CNTN5: variants seen among roughly 807,000 people sequenced by gnomAD.
The protein encoded by CNTN5 is contactin-5.
Under a neutral mutation model 129.1 loss-of-function variants are expected in CNTN5, and 77 were observed. The observed-to-expected ratio is 0.60, with a 90% CI of 0.50 to 0.72. The LOEUF is 0.72. Ranked by LOEUF, CNTN5 falls within the 30% of genes least tolerant of loss-of-function variation. The pLI is 0.00. For missense variants in CNTN5, 1,478 were observed against 1,328.8 expected (o/e 1.11, Z -1.75); for synonymous variants, 509 against 465.6 (o/e 1.09, Z -1.20).
intron 18 of CNTN5, among the ~76,000 whole-genome samples, chr11:100,289,588 T>C (rs1181680615): frequency 6.6e-6 from 1 of 152,108 alleles, no homozygotes; most frequent in Admixed American, 6.5e-5. Flanking sequence ...CTCAATAAAT[T>C]AGGTGTTGAT....
intron 13 of CNTN5, among the ~76,000 whole-genome samples, chr11:100,115,447 T>C (rs764070877): frequency 6.6e-6 from 1 of 152,064 alleles, no homozygotes; most frequent in Non-Finnish European, 1.5e-5. Flanking sequence ...CAAAAAACAA[T>C]TCAAAACTTT....
intron 13 of CNTN5, among the ~76,000 whole-genome samples, chr11:100,094,336 T>C (rs1367454456): frequency 1.3e-5 from 2 of 152,124 alleles, no homozygotes. Context: ...CATATTCTAC[T>C]AGGCAACATA....
At chr11:100,192,671 C>T (rs1272117039) in intron 14 of CNTN5, among the ~76,000 whole-genome samples, 3 of 151,948 alleles carry the variant, frequency 2.0e-5, no homozygotes. Flanking sequence ...TAAAACACAT[C>T]ATCTTGTAAT....
At chr11:99,899,998 T>C (rs1949311311) in intron 6 of CNTN5, among the ~76,000 whole-genome samples, 1 of 151,954 alleles carries the variant, frequency 6.6e-6, no homozygotes, top group South Asian at 2.1e-4. Flanking sequence ...CCATTTCCTC[T>C]AGGTGTTCTA....
chr11:99,140,984 T>A (rs1281368123), intron 1 of CNTN5, among the ~76,000 whole-genome samples: 1 of 152,116 alleles, frequency 6.6e-6, no homozygotes, highest in Non-Finnish European at 1.5e-5. Flanking sequence ...CTGACAGTGT[T>A]GGCATCAGAA....
At chr11:99,573,654 G>A (rs113531210) in intron 3 of CNTN5, among the ~76,000 whole-genome samples, 3 of 152,008 alleles carry the variant, frequency 2.0e-5, no homozygotes, top group African/African-American at 7.2e-5. Flanking sequence ...CTATTGAGAC[G>A]GAGTCTCGCT....
intron 13 of CNTN5, among the ~76,000 whole-genome samples, chr11:100,120,489 A>C (rs1291489270): frequency 6.6e-6 from 1 of 151,982 alleles, no homozygotes; most frequent in Non-Finnish European, 1.5e-5. Flanking sequence ...AAATGAAAGG[A>C]TTTATGATTC....
chr11:99,943,814 C>T (rs1025426179), intron 7 of CNTN5, among the ~76,000 whole-genome samples: 5 of 151,938 alleles, frequency 3.3e-5, no homozygotes, highest in East Asian at 3.9e-4. Context: ...TGCTTGTTTT[C>T]GTCAGGTTTG....
intron 6 of CNTN5, among the ~76,000 whole-genome samples, chr11:99,863,902 A>G (rs1948283842): frequency 6.6e-6 from 1 of 152,154 alleles, no homozygotes; most frequent in South Asian, 2.1e-4. Flanking sequence ...TACAGTAATA[A>G]GTCAAGGGGG....
chr11:100,301,421 A>G (rs897019261), intron 20 of CNTN5, among the ~76,000 whole-genome samples: 3 of 151,618 alleles, frequency 2.0e-5, no homozygotes, highest in African/African-American at 7.3e-5. Context: ...CTTTCAAGCT[A>G]GATAGAAAAT....
chr11:100,039,576 T>C (rs893562720), intron 9 of CNTN5, among the ~76,000 whole-genome samples: 2 of 152,244 alleles, frequency 1.3e-5, no homozygotes, highest in Non-Finnish European at 2.9e-5. Flanking sequence ...TCCACCTTGG[T>C]TCCATTCTCC....
At chr11:100,334,543 CA>C (rs1226120859) in intron 21 of CNTN5, among the ~76,000 whole-genome samples, 2 of 152,030 alleles carry the variant, frequency 1.3e-5, no homozygotes, top group Non-Finnish European at 2.9e-5. Flanking sequence ...GTTCATCAAT[CA>C]ATGAGTGGAT....
At chr11:100,210,557 A>G (rs1949010885) in intron 15 of CNTN5, among the ~76,000 whole-genome samples, 1 of 152,170 alleles carries the variant, frequency 6.6e-6, no homozygotes, top group Non-Finnish European at 1.5e-5. Flanking sequence ...GAAGATAAAA[A>G]CAAAGATGAC....
At position 99,626,864 on chromosome 11, in the gene CNTN5, T is replaced by G. The variant is rs1353542788; in HGVS notation, c.55+70595T>G. On this transcript the variant is annotated intron_variant, in intron 3 of 24. Transcript: ENST00000524871. ...ATTATACATTCTATGCATACAGAAA[T>G]GTATGTTCTTTTAGAAAGTATTCCT... 2.0e-5 allele frequency among the ~76,000 whole-genome samples: 3 copies of G among 152,068 alleles called. No homozygotes were observed. The East Asian group carries it at 5.8e-4, about 29-fold the overall frequency.
intron 8 of CNTN5, among the ~76,000 whole-genome samples, chr11:99,969,674 A>T (rs1951195689): frequency 1.3e-5 from 2 of 151,950 alleles, no homozygotes; most frequent in Admixed American, 1.3e-4. Context: ...AGCTGCAAAT[A>T]TTTTCTTTTC....
chr11:99,684,968 AT>A (rs1953725694), intron 3 of CNTN5, among the ~76,000 whole-genome samples: 2 of 150,970 alleles, frequency 1.3e-5, no homozygotes, highest in Admixed American at 1.3e-4. Context: ...CTTATTTTTT[AT>A]TTTTTAGTTT....
chr11:99,550,982 T>C (rs1017987194), intron 2 of CNTN5, among the ~76,000 whole-genome samples: 1 of 152,200 alleles, frequency 6.6e-6, no homozygotes, highest in Non-Finnish European at 1.5e-5. Context: ...CTAAACTTTA[T>C]AAGATAGTCA....
chr11:100,137,234 A>C (rs995833055), intron 13 of CNTN5, among the ~76,000 whole-genome samples: 1 of 152,088 alleles, frequency 6.6e-6, no homozygotes, highest in African/African-American at 2.4e-5. Flanking sequence ...TGTAAATATC[A>C]ATTTTAATAT....
intron 1 of CNTN5, among the ~76,000 whole-genome samples, chr11:99,175,389 A>G (rs984865333): frequency 1.3e-5 from 2 of 152,324 alleles, no homozygotes; most frequent in Admixed American, 6.5e-5. Context: ...AGGTCAGATA[A>G]TCACAATTGA....
Sources: allele counts gnomAD v4.1 joint callset (sites outside exome capture counted in the v4.1 genomes callset), GRCh38; gene constraint gnomAD v4.1.1; transcripts MANE v1.5; gene names NCBI Gene and HGNC (gene_info 2026-07-23, HGNC 2026-07-21).